The following VWC2 variants were observed in gnomAD, a reference collection of about 807,000 sequenced individuals.
VWC2 encodes the protein brorin.
Under a neutral mutation model 29.8 loss-of-function variants are expected in VWC2, and 14 were observed. That is an observed-to-expected ratio of 0.47 (90% CI 0.31 to 0.74). The LOEUF (loss-of-function observed/expected upper bound fraction) is 0.74. VWC2 is among the 30% of genes least tolerant of loss of function. The pLI is 0.05. For missense variants in VWC2, 457 were observed against 459.8 expected (o/e 0.99, Z 0.05); for synonymous variants, 213 against 199.0 (o/e 1.07, Z -0.59).
chr7:49,798,132 C>G (rs896156948), intron 2 of VWC2, among the ~76,000 whole-genome samples: 1 of 152,212 alleles, frequency 6.6e-6, no homozygotes, highest in African/African-American at 2.4e-5. Flanking sequence ...CTTTAGTTTC[C>G]ATGTGGGACA....
At position 49,887,269 on chromosome 7, in the gene VWC2, T is replaced by TAGC. The variant is rs552775335; in HGVS notation, c.827-24763_827-24761dup. ...TATTAGTGGCTCTGTGTGTGATTCT[T>TAGC]AGCAATTTCTCAGCAGCAATTTTGA... is the stretch of plus-strand genomic sequence containing the variant. On this transcript the variant is annotated intron_variant, in intron 3 of 3. Transcript: ENST00000340652. Among the ~76,000 whole-genome samples, 446 of 152,336 alleles carry TAGC rather than the reference T, an allele frequency of 2.9e-3. 6 individuals are homozygous for TAGC. The highest frequency in any genetic ancestry group is 5.2e-3 in the Admixed American group (79 of 15,300).
At chr7:49,786,332 A>G (rs1788296679) in intron 2 of VWC2, among the ~76,000 whole-genome samples, 1 of 152,184 alleles carries the variant, frequency 6.6e-6, no homozygotes, top group Non-Finnish European at 1.5e-5. Context: ...TTTTATGACT[A>G]TGTAGTATTC....
At chr7:49,851,124 C>A (rs946914631) in intron 3 of VWC2, among the ~76,000 whole-genome samples, 6 of 152,172 alleles carry the variant, frequency 3.9e-5, no homozygotes, top group Non-Finnish European at 8.8e-5. Context: ...TAGTGGCTGC[C>A]CGCCACCCTG....
chr7:49,857,060 C>CCTTCTTAA (rs1790456419), intron 3 of VWC2, among the ~76,000 whole-genome samples: 1 of 138,048 alleles, frequency 7.2e-6, no homozygotes, highest in South Asian at 2.5e-4. Flanking sequence ...ATGATATCTA[C>CCTTCTTAA]CTTCTTAACA....
intron 3 of VWC2, among the ~76,000 whole-genome samples, chr7:49,853,943 C>G (rs981456830): frequency 2.0e-5 from 3 of 150,428 alleles, no homozygotes; most frequent in South Asian, 4.2e-4. Flanking sequence ...CAATTCCCAC[C>G]TATGAGTGAG....
intron 3 of VWC2, among the ~76,000 whole-genome samples, chr7:49,877,449 A>AG (rs1189373565): frequency 8.4e-6 from 1 of 118,792 alleles, no homozygotes; most frequent in Non-Finnish European, 1.8e-5. Context: ...GCAACAAGTA[A>AG]GAAACTCTGT....
intron 3 of VWC2, among the ~76,000 whole-genome samples, chr7:49,856,001 C>A (rs956549440): frequency 6.6e-6 from 1 of 152,166 alleles, no homozygotes; most frequent in African/African-American, 2.4e-5. Context: ...ATTTCTGCAA[C>A]CTGATTGAGA....
chr7:49,786,841 G>C (rs1326694874), intron 2 of VWC2, among the ~76,000 whole-genome samples: 2 of 152,076 alleles, frequency 1.3e-5, no homozygotes, highest in African/African-American at 4.8e-5. Context: ...TTTGTTATTT[G>C]TTTGCTGATT....
chr7:49,821,664 GAA>G (rs34206159), intron 3 of VWC2, among the ~76,000 whole-genome samples: 5 of 138,364 alleles, frequency 3.6e-5, no homozygotes, highest in Admixed American at 7.2e-5. Context: ...ATTCTTGGAT[GAA>G]AAAAAAAAAA....
chr7:49,841,521 T>C (rs1170082933), intron 3 of VWC2, among the ~76,000 whole-genome samples: 5 of 152,212 alleles, frequency 3.3e-5, no homozygotes, highest in Admixed American at 2.6e-4. Context: ...GGAAGTTTCA[T>C]GACTCAGAGC....
chr7:49,818,349 A>T (rs1789194458), intron 3 of VWC2, among the ~76,000 whole-genome samples: 1 of 152,188 alleles, frequency 6.6e-6, no homozygotes, highest in African/African-American at 2.4e-5. Flanking sequence ...TTACTCAGTG[A>T]TCCATTTTGG....
chr7:49,902,511 G>GT (rs1417630569), intron 3 of VWC2, among the ~76,000 whole-genome samples: 6 of 142,896 alleles, frequency 4.2e-5, no homozygotes, highest in Non-Finnish European at 7.7e-5. Flanking sequence ...TTGTTTGCTT[G>GT]TTTTTTTAAC....
At chr7:49,818,456 G>A (rs1789196948) in intron 3 of VWC2, among the ~76,000 whole-genome samples, 1 of 151,928 alleles carries the variant, frequency 6.6e-6, no homozygotes, top group Non-Finnish European at 1.5e-5. Context: ...AAGCACTTAT[G>A]TCTTATGCCA....
chr7:49,799,985 T>C (rs10269283), intron 2 of VWC2, among the ~76,000 whole-genome samples: 73,090 of 152,122 alleles, frequency 0.48, 19,566 homozygotes, highest in Non-Finnish European at 0.61. Context: ...TATATGCAGT[T>C]CCTTTTTGAC....
Position 49,788,736 on chromosome 7 carries a change from ATGTG to A in VWC2, c.696+12612_696+12615del, listed in dbSNP as rs201910087. 7.1e-5 allele frequency among the ~76,000 whole-genome samples: 8 copies of A among 111,988 alleles called. No individual in the cohort carries two copies. The East Asian group carries it at 9.5e-4, about 13-fold the overall frequency. 73.5% of individuals were successfully genotyped at this position (111,988 alleles called of 152,430 possible). On this transcript the variant is annotated intron_variant, in intron 2 of 3. Coordinates refer to ENST00000340652, the MANE Select transcript of VWC2 (RefSeq NM_198570.5). ...ATGTATGGGTGTGGGGTGTGTGTGG[ATGTG>A]TGTGTGGATGTGGGTGTGGGGGTGT...
At chr7:49,865,263 G>C (rs1790829662) in intron 3 of VWC2, among the ~76,000 whole-genome samples, 1 of 152,172 alleles carries the variant, frequency 6.6e-6, no homozygotes, top group Non-Finnish European at 1.5e-5. Flanking sequence ...TGATGAAAGA[G>C]TTGATCTCTG....
At chr7:49,858,428 G>C (rs146067815) in intron 3 of VWC2, among the ~76,000 whole-genome samples, 4,400 of 151,860 alleles carry the variant, frequency 0.029, 174 homozygotes, top group South Asian at 0.12. Flanking sequence ...AGCTGAAAAC[G>C]ATCATTCTCA....
At chr7:49,911,650 A>G (rs1382194541) in intron 3 of VWC2, among the ~76,000 whole-genome samples, 2 of 152,078 alleles carry the variant, frequency 1.3e-5, no homozygotes, top group Non-Finnish European at 2.9e-5. Flanking sequence ...TAATCTGAGC[A>G]CTTTGGGAAG....
At chr7:49,791,968 C>T (rs183051093) in intron 2 of VWC2, among the ~76,000 whole-genome samples, 1 of 152,166 alleles carries the variant, frequency 6.6e-6, no homozygotes, top group Non-Finnish European at 1.5e-5. Context: ...CTCTAGAAAA[C>T]CAAGGCTTAG....
Sources: gnomAD v4.1 joint callset for allele counts (sites outside exome capture counted in the v4.1 genomes callset) on GRCh38, gnomAD v4.1.1 for gene constraint, MANE v1.5 for transcripts, NCBI Gene and HGNC (gene_info 2026-07-23, HGNC 2026-07-21) for gene names.